FCHO2: variants seen among roughly 807,000 people sequenced by gnomAD.
The protein encoded by FCHO2 is FCH and mu domain containing endocytic adaptor 2, also known as F-BAR domain only protein 2.
FCHO2 carries 43 observed loss-of-function variants against 114.1 expected under a neutral mutation model. The ratio of observed to expected loss-of-function variants is 0.38; its 90% CI spans 0.30 to 0.49. The LOEUF (loss-of-function observed/expected upper bound fraction) is 0.49. Among genes scored for constraint, FCHO2 ranks in the 20% least tolerant of loss-of-function variants. The pLI, the probability that FCHO2 is intolerant of heterozygous loss-of-function variation, is 0.97. For missense variants in FCHO2, 807 were observed against 950.4 expected (o/e 0.85, Z 1.98); for synonymous variants, 293 against 315.2 (o/e 0.93, Z 0.75).
At chr5:72,981,060 A>G (rs758043405) in intron 2 of FCHO2, among the ~76,000 whole-genome samples, 1 of 151,884 alleles carries the variant, frequency 6.6e-6, no homozygotes, top group Non-Finnish European at 1.5e-5. Flanking sequence ...ACAATTTGGT[A>G]TGTTTTTGCA....
intron 5 of FCHO2, among the ~76,000 whole-genome samples, chr5:72,995,801 TTAATC>T (rs1299797132): frequency 2.0e-5 from 3 of 152,126 alleles, no homozygotes; most frequent in African/African-American, 4.8e-5. Flanking sequence ...CATTAATAGA[TTAATC>T]TATTTATGAG....
intron 22 of FCHO2, among the ~76,000 whole-genome samples, chr5:73,080,450 G>A (rs1743057024): frequency 6.6e-6 from 1 of 152,122 alleles, no homozygotes; most frequent in Non-Finnish European, 1.5e-5. Flanking sequence ...AGGCATAAAG[G>A]ATATTCGCTG....
chr5:73,016,379 A>T (rs1755312427), intron 7 of FCHO2, among the ~76,000 whole-genome samples: 1 of 141,072 alleles, frequency 7.1e-6, no homozygotes, highest in Non-Finnish European at 1.5e-5. Context: ...TTTAAATATT[A>T]AAAAAGATTT....
intron 2 of FCHO2, among the ~76,000 whole-genome samples, chr5:72,988,390 A>G (rs1199336460): frequency 6.6e-6 from 1 of 152,126 alleles, no homozygotes; most frequent in Non-Finnish European, 1.5e-5. Flanking sequence ...GTGAGCCAAG[A>G]TTGCACCACT....
At chr5:73,046,600 G>C (rs759869974) in intron 11 of FCHO2, among the ~76,000 whole-genome samples, 1 of 152,026 alleles carries the variant, frequency 6.6e-6, no homozygotes, top group Non-Finnish European at 1.5e-5. Context: ...TACTTGGAAT[G>C]GGGACAAAGT....
chr5:73,000,172 T>TA (rs977887948), intron 5 of FCHO2, among the ~76,000 whole-genome samples: 23 of 147,206 alleles, frequency 1.6e-4, no homozygotes, highest in Admixed American at 2.0e-4. Flanking sequence ...GCACAGCCAA[T>TA]AAAAAAAAAA....
chr5:73,078,255 G>A lies in FCHO2; in HGVS notation c.1923G>A (p.Lys641=). ...NMQAVTVYLK[K]LSEQNPAASY... is the part of the protein sequence containing the mutation. ...AAGCTGTTACAGTCTACCTCAAGAA[G>A]CTGTCAGAGCAAAATCCAGCTGCTT... is the stretch of plus-strand genomic sequence containing the variant. The change falls in exon 22 of 26, where the codon AAG becomes AAA. Residue 641 remains lysine (K), a synonymous_variant. Transcript: ENST00000430046. 2 of 1,595,414 alleles carry A rather than the reference G, an allele frequency of 1.3e-6. No homozygotes were observed. The highest frequency in any genetic ancestry group is 1.7e-6 in the Non-Finnish European group (2 of 1,170,500).
At chr5:73,030,789 T>C (rs1266630466) in intron 8 of FCHO2, among the ~76,000 whole-genome samples, 2 of 152,182 alleles carry the variant, frequency 1.3e-5, no homozygotes, top group South Asian at 4.1e-4. Context: ...TAATATAGTT[T>C]AGAAGCATTG....
intron 8 of FCHO2, among the ~76,000 whole-genome samples, chr5:73,030,508 G>A (rs1756179062): frequency 6.6e-6 from 1 of 152,282 alleles, no homozygotes; most frequent in South Asian, 2.1e-4. Flanking sequence ...ATCAGAATCC[G>A]TATTTTAATA....
chr5:72,988,553 A>G (rs1753657290), intron 2 of FCHO2, among the ~76,000 whole-genome samples: 1 of 152,220 alleles, frequency 6.6e-6, no homozygotes, highest in Non-Finnish European at 1.5e-5. Flanking sequence ...TTTACGGAAT[A>G]AAATCTCATA....
At chr5:72,986,259 C>A (rs141857037) in intron 2 of FCHO2, among the ~76,000 whole-genome samples, 1 of 150,306 alleles carries the variant, frequency 6.7e-6, no homozygotes, top group Non-Finnish European at 1.5e-5. Context: ...TTCTTTTTTG[C>A]AAATTTGGTG....
rs1421586717 is a variant in FCHO2, at chr5:72,988,668, T to C, written c.126-759T>C. 5.3e-5 allele frequency among the ~76,000 whole-genome samples: 8 copies of C among 152,242 alleles called. No individual in the cohort carries two copies. The East Asian group carries it at 1.5e-3, about 29-fold the overall frequency. ...TTAAGCCATGAATGAAGTTCAGGAT[T>C]TCAGACTTGATGATATATTTAGTTT... On this transcript the variant is annotated intron_variant, in intron 2 of 25. Coordinates refer to ENST00000430046, the MANE Select transcript of FCHO2 (RefSeq NM_138782.3).
At chr5:73,004,665 A>C (rs761188655) in intron 5 of FCHO2, among the ~76,000 whole-genome samples, 1 of 152,052 alleles carries the variant, frequency 6.6e-6, no homozygotes, top group Non-Finnish European at 1.5e-5. Context: ...TTCCCTTTTT[A>C]GTAATGAGAG....
chr5:72,964,240 AG>A (rs1351586602), intron 1 of FCHO2, among the ~76,000 whole-genome samples: 1 of 152,176 alleles, frequency 6.6e-6, no homozygotes, highest in African/African-American at 2.4e-5. Context: ...ATAATATAAA[AG>A]ATTAGGGAAG....
chr5:72,997,143 A>T (rs1285467396), intron 5 of FCHO2: 1 of 1,123,268 alleles, frequency 8.9e-7, no homozygotes. Context: ...TCCCACCATG[A>T]TGGGGTCCTG....
In FCHO2 at chr5:72,968,347, A is replaced by G. The variant is rs1370372010; in HGVS notation, c.34-151A>G. On this transcript the variant is annotated intron_variant, in intron 1 of 25. Transcript: ENST00000430046. ...TTATTAAAGCATATAATATTGCTTTATACTGTTTAAAATCATACAATAAAT... is the reference window on the plus strand; with the variant it reads ...TTATTAAAGCATATAATATTGCTTTGTACTGTTTAAAATCATACAATAAAT... 7.9e-6 allele frequency: 4 copies of G among 508,304 alleles called. No individual in the cohort carries two copies. The East Asian group carries it at 1.1e-4, about 14-fold the overall frequency. 31.5% of individuals were successfully genotyped at this position (508,304 alleles called of 1,614,324 possible). A position where few individuals can be genotyped will look rare whatever the true frequency, so the allele number is the denominator to read the frequency against.
In FCHO2 at chr5:72,989,603, A is replaced by G. The variant is rs542320104; in HGVS notation, c.200+102A>G. ...TAACAGTTCAAAAGCATAGTAAAAT[A>G]TATGCTTATTTAAAAGTATCTGTAA... On this transcript the variant is annotated intron_variant, in intron 3 of 25. Coordinates refer to ENST00000430046, the MANE Select transcript of FCHO2 (RefSeq NM_138782.3). The G allele has an allele frequency of 3.2e-5, 23 of 729,536 alleles. No individual in the cohort carries two copies. The African/African-American group carries it at 3.5e-4, about 11-fold the overall frequency. The allele number at this position is 729,536 out of a possible 1,614,324, so 45.2% of individuals were successfully genotyped here.
intron 17 of FCHO2, among the ~76,000 whole-genome samples, chr5:73,061,846 G>C (rs1055435976): frequency 6.6e-6 from 1 of 152,114 alleles, no homozygotes; most frequent in African/African-American, 2.4e-5. Context: ...GAGGATCACA[G>C]TGACCTTTGC....
chr5:73,013,214 T>G (rs1755114710), intron 6 of FCHO2, among the ~76,000 whole-genome samples: 1 of 152,156 alleles, frequency 6.6e-6, no homozygotes, highest in Non-Finnish European at 1.5e-5. Context: ...TGATTCAAGT[T>G]TTTGGGCTGT....
Sources: allele counts gnomAD v4.1 joint callset (sites outside exome capture counted in the v4.1 genomes callset), GRCh38; gene constraint gnomAD v4.1.1; transcripts MANE v1.5; gene names NCBI Gene and HGNC (gene_info 2026-07-23, HGNC 2026-07-21).